EPB41: variants seen among roughly 807,000 people sequenced by gnomAD.
EPB41 encodes erythrocyte membrane protein band 4.1.
Under a neutral mutation model 108.0 loss-of-function variants are expected in EPB41, and 65 were observed. The observed-to-expected ratio is 0.60, with a 90% CI of 0.49 to 0.74. The LOEUF is 0.74. Ranked by LOEUF, EPB41 falls within the 30% of genes least tolerant of loss-of-function variation. The pLI, the probability that EPB41 is intolerant of heterozygous loss-of-function variation, is 0.00. For missense variants in EPB41, 875 were observed against 1,037.0 expected, an observed-to-expected ratio of 0.84 and a Z score of 2.15; for synonymous variants, 336 against 358.9, an observed-to-expected ratio of 0.94 and a Z score of 0.72.
At chr1:29,116,434 A>G (rs1390103196) in intron 20 of EPB41, among the ~76,000 whole-genome samples, 1 of 152,026 alleles carries the variant, frequency 6.6e-6, no homozygotes, top group Non-Finnish European at 1.5e-5. Flanking sequence ...GATTACAGGC[A>G]TGAGCCACCG....
intron 1 of EPB41, among the ~76,000 whole-genome samples, chr1:28,955,545 A>G (rs1415449259): frequency 1.3e-5 from 2 of 152,180 alleles, no homozygotes; most frequent in South Asian, 2.1e-4. Context: ...GAGTTTCACC[A>G]TGTTGGTCAG....
In EPB41 at chr1:28,887,650, G is replaced by A; in HGVS notation, c.-8+440G>A. 3.0e-6 allele frequency: 3 copies of A among 985,248 alleles called. No individual in the cohort carries two copies. The highest frequency in any genetic ancestry group is 9.4e-5 in the South Asian group (2 of 21,288). The allele number at this position is 985,248 out of a possible 1,614,324, so 61.0% of individuals were successfully genotyped here. A position where few individuals can be genotyped will look rare whatever the true frequency, so the allele number is the denominator to read the frequency against. On this transcript the variant is annotated intron_variant, in intron 1 of 16. Coordinates refer to the EPB41 transcript ENST00000347529. The surrounding 1 kb of genome is among the most constrained non-coding windows in gnomAD (Gnocchi z 4.9). ...CTGGAGCGGGCTGGCGGCTAGCAGC[G>A]GGAGGGGGCTCCGGGGCCTGGAGCC... is the stretch of plus-strand genomic sequence containing the variant.
chr1:28,917,772 G>A (rs148349990), intron 1 of EPB41, among the ~76,000 whole-genome samples: 103 of 151,244 alleles, frequency 6.8e-4, no homozygotes, highest in Admixed American at 1.3e-3. Flanking sequence ...AAAACACGGG[G>A]TCCTGCTATT....
rs1558038953 is a variant in EPB41, at chr1:29,018,331, G to A, written c.1013G>A (p.Gly338Glu). The change falls in exon 7 of 21, where the codon GGA becomes GAA. Residue 338 changes from glycine to glutamate, a missense_variant. Gly to Glu is a moderately conservative substitution (Grantham distance 98). This residue lies in a region of EPB41 where 353 missense variants were observed against 393.2 expected (regional missense o/e 0.90). Coordinates refer to ENST00000343067, the MANE Select transcript of EPB41 (RefSeq NM_001376013.1). This position sits in a 1 kb window ranked among gnomAD's most constrained non-coding sequence, Gnocchi z 4.4. Reference sequence around the variant, plus strand: ...TCTTACACCATCCAGTCTGAACTGGGAGACTACGACCCAGAACTCCATGGC... The same window carrying A: ...TCTTACACCATCCAGTCTGAACTGGAAGACTACGACCCAGAACTCCATGGC... ...LGSYTIQSEL[G>E]DYDPELHGVD... 1 of 1,614,174 alleles carries A rather than the reference G, an allele frequency of 6.2e-7. No individual in the cohort carries two copies. The highest frequency in any genetic ancestry group is 1.6e-4 in the Middle Eastern group (1 of 6,062).
At chr1:28,908,127 C>T (rs1340579834) in intron 1 of EPB41, among the ~76,000 whole-genome samples, 2 of 151,956 alleles carry the variant, frequency 1.3e-5, no homozygotes, top group Non-Finnish European at 2.9e-5. Context: ...TATGGCTGGG[C>T]ACGGTGGCTC....
chr1:28,987,951 T>C (rs754760378), intron 2 of EPB41, 46 bp downstream of exon 2: 1 of 1,586,898 alleles, frequency 6.3e-7, no homozygotes, highest in South Asian at 1.1e-5. Flanking sequence ...AGGCAGGTTA[T>C]ACACTTTATT....
chr1:29,063,033 G>A (rs746390893), intron 15 of EPB41, among the ~76,000 whole-genome samples: 4 of 152,144 alleles, frequency 2.6e-5, no homozygotes, highest in African/African-American at 9.7e-5. Context: ...ATTTTACATA[G>A]CATCTCTTGC....
In EPB41 at chr1:28,891,530, C is replaced by T. The variant is rs565560603; in HGVS notation, c.-8+4320C>T. Among the ~76,000 whole-genome samples, 3 of 152,302 alleles carry T rather than the reference C, an allele frequency of 2.0e-5. No homozygotes were observed. The South Asian group carries it at 6.2e-4, about 32-fold the overall frequency. On this transcript the variant is annotated intron_variant, in intron 1 of 16. Coordinates refer to the EPB41 transcript ENST00000347529. ...GGCTTGGAGGTGTGAAGTGGCACCC[C>T]TGAGGACACACGAGAGTCCCTTCAC...
At chr1:29,012,958 A>T (rs1039876667) in intron 5 of EPB41, among the ~76,000 whole-genome samples, 3 of 152,192 alleles carry the variant, frequency 2.0e-5, no homozygotes, top group African/African-American at 7.2e-5. Context: ...TACTTTTAAT[A>T]TGAAATATTA....
chr1:28,990,884 AATCTC>A (rs2096003216), intron 2 of EPB41, among the ~76,000 whole-genome samples: 1 of 152,234 alleles, frequency 6.6e-6, no homozygotes, highest in Admixed American at 6.5e-5. Context: ...ATTTAACTAA[AATCTC>A]ATTCATTAAG....
At position 28,887,303 on chromosome 1, in the gene EPB41, C is replaced by T. The variant is rs1056538787; in HGVS notation, c.-8+93C>T. 1 of 1,214,768 alleles carries T rather than the reference C, an allele frequency of 8.2e-7. No individual in the cohort carries two copies. The highest frequency in any genetic ancestry group is 1.0e-6 in the Non-Finnish European group (1 of 953,256). The allele number at this position is 1,214,768 out of a possible 1,614,324, so 75.2% of individuals were successfully genotyped here. A position where few individuals can be genotyped will look rare whatever the true frequency, so the allele number is the denominator to read the frequency against. ...CTACCCCCAAGGGCTCGGACCGTCC[C>T]GGGAGAGGCGAGACCAGGGTCGAAG... On this transcript the variant is annotated intron_variant, in intron 1 of 16. Transcript: ENST00000347529. The surrounding 1 kb of genome is among the most constrained non-coding windows in gnomAD (Gnocchi z 4.9).
intron 1 of EPB41, among the ~76,000 whole-genome samples, chr1:28,908,904 T>C (rs1570344099): frequency 1.3e-5 from 2 of 151,546 alleles, no homozygotes; most frequent in South Asian, 4.2e-4. Flanking sequence ...GGCTCATGAC[T>C]GTAATCCCAG....
rs755818196 is a variant in EPB41 at position 28,993,439 on chromosome 1, C to G, written c.578C>G (p.Ala193Gly). 2 of 1,613,830 alleles carry G rather than the reference C, an allele frequency of 1.2e-6. No individual in the cohort carries two copies. Among genetic ancestry groups the G allele is most frequent in the African/African-American group, 1.3e-5 (1 of 74,900 alleles). ...EVKEESPQSK[A>G]ETELKASQKP... ...AAAGAAGAAAGCCCTCAATCAAAAG[C>G]AGAAACAGAATTAAAAGCTTCCCAA... The change falls in exon 3 of 21, where the codon GCA (alanine) becomes GGA (glycine). Residue 193 changes from alanine to glycine, a missense_variant. Ala to Gly is a moderately conservative substitution (Grantham distance 60, BLOSUM62 0). Transcript: ENST00000343067.
chr1:28,914,328 C>A (rs1487813374), upstream of EPB41, among the ~76,000 whole-genome samples: 1 of 152,234 alleles, frequency 6.6e-6, no homozygotes, highest in Non-Finnish European at 1.5e-5. Flanking sequence ...CACACGCGGC[C>A]AGCCCCTTGC....
chr1:28,991,827 A>G (rs1048258757), intron 2 of EPB41, among the ~76,000 whole-genome samples: 1 of 152,124 alleles, frequency 6.6e-6, no homozygotes, highest in Non-Finnish European at 1.5e-5. Flanking sequence ...ACAACCCTGC[A>G]GGCCAGGTAC....
chr1:28,903,120 G>A (rs958121263), intron 1 of EPB41, among the ~76,000 whole-genome samples: 8 of 152,112 alleles, frequency 5.3e-5, no homozygotes, highest in South Asian at 2.1e-4. Flanking sequence ...TGCAGTTAAA[G>A]TACTTAGGCA....
intron 7 of EPB41, among the ~76,000 whole-genome samples, chr1:29,020,110 C>T (rs2096625521): frequency 6.6e-6 from 1 of 151,816 alleles, no homozygotes; most frequent in East Asian, 1.9e-4. Context: ...GGTCTGTTGG[C>T]AAGGCTGGAG....
intron 1 of EPB41, among the ~76,000 whole-genome samples, chr1:28,894,827 C>T (rs1282733294): frequency 6.6e-6 from 1 of 152,156 alleles, no homozygotes; most frequent in East Asian, 1.9e-4. Context: ...AACTTCCCAG[C>T]CCTGGGCTCA....
Position 28,887,768 on chromosome 1 carries a change from G to T in EPB41, c.-8+558G>T. The T allele has an allele frequency of 1.1e-6, 1 of 871,396 alleles. No homozygotes were observed. Among genetic ancestry groups the T allele is most frequent in the Non-Finnish European group, 1.4e-6 (1 of 725,620 alleles). 54.0% of individuals were successfully genotyped at this position (871,396 alleles called of 1,614,324 possible). A position where few individuals can be genotyped will look rare whatever the true frequency, so the allele number is the denominator to read the frequency against. ...TGGGGCGCCGGCTGTGCCCGCCAGGGTGGCCCCCCCGGCCGTCGCGCCAGC... is the reference window on the plus strand; with the variant it reads ...TGGGGCGCCGGCTGTGCCCGCCAGGTTGGCCCCCCCGGCCGTCGCGCCAGC... On this transcript the variant is annotated intron_variant, in intron 1 of 16. Transcript: ENST00000347529. The surrounding 1 kb of genome is among the most constrained non-coding windows in gnomAD (Gnocchi z 4.9).
Sources: gnomAD v4.1 joint callset for allele counts (sites outside exome capture counted in the v4.1 genomes callset) on GRCh38, gnomAD v4.1.1 for gene constraint, gnomAD v4.1.1 regional missense constraint, Gnocchi (gnomAD v3.1) non-coding constraint, MANE v1.5 for transcripts, NCBI Gene and HGNC (gene_info 2026-07-23, HGNC 2026-07-21) for gene names.